The following ADAMTSL1 variants were observed in gnomAD, a reference collection of about 807,000 sequenced individuals.
ADAMTSL1 encodes ADAMTS like 1.
ADAMTSL1 carries 126 observed loss-of-function variants against 201.8 expected under a neutral mutation model. The ratio of observed to expected loss-of-function variants is 0.62; its 90% CI spans 0.54 to 0.72. The LOEUF (loss-of-function observed/expected upper bound fraction) is 0.72, where lower values mean the gene tolerates loss of function less well. Ranked by LOEUF, ADAMTSL1 falls within the 30% of genes least tolerant of loss-of-function variation. The probability of loss-of-function intolerance (pLI) is 0.00; values close to 1 mark genes in which losing one functional copy is unlikely to be tolerated. For missense variants in ADAMTSL1, 2,679 were observed against 2,277.8 expected (o/e 1.18, Z -3.59); for synonymous variants, 1,121 against 903.4 (o/e 1.24, Z -4.32).
rs552652012 is a variant in ADAMTSL1 at position 18,287,354 on chromosome 9, T to C, written c.207+123373T>C. Among the ~76,000 whole-genome samples the C allele has an allele frequency of 2.2e-4, 34 of 151,730 alleles. No individual in the cohort carries two copies. In the South Asian group the frequency reaches 5.2e-3, roughly 23 times the overall value. ...ACACACGTGTGTGTATATATACACATACATACATATACACACATACATGTA... is the reference window on the plus strand; with the variant it reads ...ACACACGTGTGTGTATATATACACACACATACATATACACACATACATGTA... On this transcript the variant is annotated intron_variant, in intron 2 of 29. Coordinates refer to the ADAMTSL1 transcript ENST00000680146.
At chr9:18,828,878 A>G (rs568422406) in intron 22 of ADAMTSL1, among the ~76,000 whole-genome samples, 3 of 151,660 alleles carry the variant, frequency 2.0e-5, no homozygotes, top group African/African-American at 7.3e-5. Flanking sequence ...GTGCCTTACA[A>G]GGTGCCAGGC....
chr9:18,553,210 C>CT (rs35874115), intron 3 of ADAMTSL1, among the ~76,000 whole-genome samples: 41,120 of 135,692 alleles, frequency 0.3, 6,187 homozygotes, highest in East Asian at 0.61. Flanking sequence ...TAGTCCCAGT[C>CT]TTTTTTTTTT....
At chr9:18,430,620 C>G (rs918889727) in intron 2 of ADAMTSL1, among the ~76,000 whole-genome samples, 1 of 152,192 alleles carries the variant, frequency 6.6e-6, no homozygotes, top group Non-Finnish European at 1.5e-5. Flanking sequence ...TATACTGTTT[C>G]CCTAATCCCA....
chr9:18,732,099 C>G (rs1818249045), intron 15 of ADAMTSL1, among the ~76,000 whole-genome samples: 1 of 152,196 alleles, frequency 6.6e-6, no homozygotes, highest in Non-Finnish European at 1.5e-5. Flanking sequence ...AAACACTTAG[C>G]TAGTTCCTAC....
chr9:18,575,633 G>A (rs773618415), intron 4 of ADAMTSL1, among the ~76,000 whole-genome samples: 1 of 152,204 alleles, frequency 6.6e-6, no homozygotes, highest in Admixed American at 6.5e-5. Context: ...AAAGGGGACT[G>A]TGTTGTAGGG....
chr9:17,956,171 A>C lies in ADAMTSL1; in HGVS notation c.87+49249A>C, dbSNP rs552140733. 1.1e-3 allele frequency among the ~76,000 whole-genome samples: 166 copies of C among 152,258 alleles called. 1 individual carries two copies. The highest frequency in any genetic ancestry group is 3.7e-3 in the South Asian group (18 of 4,814). ...TTTACATTTTTCATAAATACATCTT[A>C]CCTTGTAGTGCTTTTTGAAGTGGCT... On this transcript the variant is annotated intron_variant, in intron 1 of 29. Transcript: ENST00000680146.
chr9:17,920,715 G>A (rs958234635), intron 1 of ADAMTSL1, among the ~76,000 whole-genome samples: 8 of 152,150 alleles, frequency 5.3e-5, no homozygotes, highest in African/African-American at 1.9e-4. Flanking sequence ...AGCAAAGGTC[G>A]GCAAACTTTT....
chr9:18,630,652 A>C (rs1265293647), intron 5 of ADAMTSL1, among the ~76,000 whole-genome samples: 1 of 152,208 alleles, frequency 6.6e-6, no homozygotes, highest in Non-Finnish European at 1.5e-5. Flanking sequence ...CTGAGTATAC[A>C]GAATTGCTGC....
chr9:18,415,085 G>A (rs901394065), intron 2 of ADAMTSL1, among the ~76,000 whole-genome samples: 2 of 152,134 alleles, frequency 1.3e-5, no homozygotes, highest in Admixed American at 6.5e-5. Context: ...CTTAAATGCA[G>A]CTCAGAACAA....
At chr9:17,954,870 G>A (rs920425478) in intron 1 of ADAMTSL1, among the ~76,000 whole-genome samples, 1 of 152,156 alleles carries the variant, frequency 6.6e-6, no homozygotes, top group African/African-American at 2.4e-5. Context: ...ACTTCTTCCA[G>A]TTCAGCTATT....
At chr9:18,407,782 T>G (rs747202104) in intron 2 of ADAMTSL1, among the ~76,000 whole-genome samples, 11 of 152,170 alleles carry the variant, frequency 7.2e-5, no homozygotes, top group Non-Finnish European at 1.5e-4. Context: ...TATCTCACCT[T>G]TGGCTGAATA....
intron 1 of ADAMTSL1, among the ~76,000 whole-genome samples, chr9:17,974,297 A>G (rs1818348421): frequency 6.6e-6 from 1 of 152,034 alleles, no homozygotes; most frequent in South Asian, 2.1e-4. Flanking sequence ...GAAAAGAGGA[A>G]GTCAAATTGT....
At chr9:18,154,904 A>C (rs1439177597) in intron 1 of ADAMTSL1, among the ~76,000 whole-genome samples, 2 of 152,042 alleles carry the variant, frequency 1.3e-5, no homozygotes, top group Admixed American at 6.6e-5. Flanking sequence ...TACATATACA[A>C]TTTAAATACT....
chr9:18,207,990 C>G (rs1331576739), intron 2 of ADAMTSL1, among the ~76,000 whole-genome samples: 3 of 152,070 alleles, frequency 2.0e-5, no homozygotes, highest in Admixed American at 2.0e-4. Flanking sequence ...CACCTGGGAA[C>G]CAGGTGAATG....
At chr9:17,992,606 T>G (rs560371397) in intron 1 of ADAMTSL1, among the ~76,000 whole-genome samples, 1 of 152,158 alleles carries the variant, frequency 6.6e-6, no homozygotes, top group African/African-American at 2.4e-5. Flanking sequence ...GGAAAAGTAG[T>G]GAGAGCCTCC....
At chr9:18,882,598 A>T (rs972304999) in intron 23 of ADAMTSL1, among the ~76,000 whole-genome samples, 4 of 152,244 alleles carry the variant, frequency 2.6e-5, no homozygotes, top group African/African-American at 9.6e-5. Flanking sequence ...CACTCATTTC[A>T]GAACAGGAGT....
At chr9:18,847,666 GGA>G (rs35426347) in intron 23 of ADAMTSL1, among the ~76,000 whole-genome samples, 1 of 72,808 alleles carries the variant, frequency 1.4e-5, no homozygotes, top group Non-Finnish European at 3.8e-5. Flanking sequence ...AGAGAAGAGA[GGA>G]GAAGAGCATC....
intron 1 of ADAMTSL1, among the ~76,000 whole-genome samples, chr9:18,050,062 A>C (rs550807404): frequency 6.6e-6 from 1 of 152,232 alleles, no homozygotes; most frequent in Non-Finnish European, 1.5e-5. Flanking sequence ...AGAAAGTTTA[A>C]TGACTTTAGT....
chr9:18,408,018 G>C (rs1258412012), intron 2 of ADAMTSL1, among the ~76,000 whole-genome samples: 1 of 152,102 alleles, frequency 6.6e-6, no homozygotes, highest in Non-Finnish European at 1.5e-5. Context: ...ACATAATTTA[G>C]AAAATTTTGA....
Sources: allele counts gnomAD v4.1 joint callset (sites outside exome capture counted in the v4.1 genomes callset), GRCh38; gene constraint gnomAD v4.1.1; transcripts MANE v1.5; gene names NCBI Gene and HGNC (gene_info 2026-07-23, HGNC 2026-07-21).